KLF8: variants seen among roughly 807,000 people sequenced by gnomAD.
The protein encoded by KLF8 is Krueppel-like factor 8.
Under a neutral mutation model 18.2 loss-of-function variants are expected in KLF8, and 10 were observed. That is an observed-to-expected ratio of 0.55 (90% confidence interval 0.34 to 0.93). The LOEUF (loss-of-function observed/expected upper bound fraction) is 0.93. KLF8 is among the 40% of genes least tolerant of loss of function. The probability of loss-of-function intolerance (pLI) is 0.02; values close to 1 mark genes in which losing one functional copy is unlikely to be tolerated. For synonymous variants in KLF8, 109 were observed against 97.3 expected (o/e 1.12, Z -0.71); for missense variants, 264 against 277.9 (o/e 0.95, Z 0.36).
chrX:56,064,188 G>A, the KLF8 span, among the ~76,000 whole-genome samples: 1 of 107,765 alleles, frequency 9.3e-6, no homozygotes, highest in Non-Finnish European at 1.9e-5. Flanking sequence ...ATGCAGTCTT[G>A]TGTGGGTCTT....
the KLF8 span, among the ~76,000 whole-genome samples, chrX:56,197,026 G>C: frequency 1.8e-5 from 2 of 111,594 alleles, no homozygotes; most frequent in Non-Finnish European, 1.9e-5. Context: ...GGCAGAAATA[G>C]AGATGTTCTT....
chrX:56,177,065 G>A, the KLF8 span, among the ~76,000 whole-genome samples: 2 of 111,139 alleles, frequency 1.8e-5, no homozygotes, highest in Non-Finnish European at 3.8e-5. Flanking sequence ...CTTTAGCTCG[G>A]AGTAGTTTGA....
chrX:56,026,812 C>T, the KLF8 span, among the ~76,000 whole-genome samples: 13,374 of 111,599 alleles, frequency 0.12, 1,406 homozygotes, highest in African/African-American at 0.34. Flanking sequence ...TCTACCCACC[C>T]AGAGTAAGTA....
the KLF8 span, among the ~76,000 whole-genome samples, chrX:56,124,685 T>A: frequency 1.1e-4 from 12 of 111,866 alleles, no homozygotes; most frequent in Admixed American, 1.1e-3. Flanking sequence ...ATGTATACTA[T>A]GGTCATTCTG....
At chrX:55,944,338 G>A in the KLF8 span, among the ~76,000 whole-genome samples, 3 of 110,266 alleles carry the variant, frequency 2.7e-5, no homozygotes, top group Non-Finnish European at 5.7e-5. Flanking sequence ...GGATGATGCT[G>A]GCCTCATAAA....
At chrX:55,938,248 C>G in the KLF8 span, among the ~76,000 whole-genome samples, 1 of 111,523 alleles carries the variant, frequency 9.0e-6, no homozygotes, top group Non-Finnish European at 1.9e-5. Flanking sequence ...GAATTTTCAA[C>G]CCAGAATTTC....
the KLF8 span, among the ~76,000 whole-genome samples, chrX:56,185,857 AAG>A: frequency 1.8e-5 from 2 of 111,890 alleles, no homozygotes; most frequent in Non-Finnish European, 3.8e-5. Flanking sequence ...CCTGCCCTAA[AAG>A]AGATCCTGAA....
intron 5 of KLF8, 67 bp from the exon 6 acceptor site, chrX:56,284,246 T>A (rs1162112063): frequency 3.1e-5 from 27 of 865,514 alleles, no homozygotes; most frequent in Non-Finnish European, 4.2e-5. Flanking sequence ...TTATGTATTC[T>A]ATTATCTTTC....
At chrX:56,180,341 TG>T in the KLF8 span, among the ~76,000 whole-genome samples, 3 of 111,939 alleles carry the variant, frequency 2.7e-5, no homozygotes, top group African/African-American at 9.7e-5. Context: ...TATCATTTTT[TG>T]TTGCATCTGT....
the KLF8 span, among the ~76,000 whole-genome samples, chrX:56,209,088 G>C: frequency 9.0e-6 from 1 of 111,177 alleles, no homozygotes; most frequent in East Asian, 2.8e-4. Context: ...ATTGCATTGG[G>C]GTCTTTCTCT....
At chrX:56,078,593 G>A in the KLF8 span, among the ~76,000 whole-genome samples, 1 of 111,497 alleles carries the variant, frequency 9.0e-6, no homozygotes, top group Non-Finnish European at 1.9e-5. Context: ...GGATATTGGT[G>A]TAAAATTCTC....
the KLF8 span, among the ~76,000 whole-genome samples, chrX:56,057,051 G>T: frequency 1.5e-5 from 1 of 64,909 alleles, no homozygotes; most frequent in Admixed American, 1.4e-4. Context: ...TTGGGGGACT[G>T]CCTCTATGTG....
the KLF8 span, among the ~76,000 whole-genome samples, chrX:56,198,224 G>A: frequency 8.9e-6 from 1 of 112,029 alleles, no homozygotes; most frequent in East Asian, 2.8e-4. Context: ...CATAGCGTTG[G>A]AAGTTCTGGC....
rs1457459697 is a variant in KLF8, at chrX:56,289,257, A to G, written c.*4763A>G. Among the ~76,000 whole-genome samples, 1 of 110,862 alleles carries G rather than the reference A, an allele frequency of 9.0e-6. No homozygotes were observed. The highest frequency in any genetic ancestry group is 1.9e-5 in the Non-Finnish European group (1 of 52,971). On this transcript the variant is annotated 3_prime_UTR_variant, in exon 6 of 6. Coordinates refer to ENST00000468660, the MANE Select transcript of KLF8 (RefSeq NM_007250.5). Reference sequence around the variant, plus strand: ...TCTCAAGTTCTTTTGACACACCCCCATCATTTTTTTTTAGCACGTCCTTAC... The same window carrying G: ...TCTCAAGTTCTTTTGACACACCCCCGTCATTTTTTTTTAGCACGTCCTTAC...
At chrX:55,930,955 A>T in the KLF8 span, among the ~76,000 whole-genome samples, 1 of 111,964 alleles carries the variant, frequency 8.9e-6, no homozygotes, top group Admixed American at 9.5e-5. Context: ...TTTCAGAAGG[A>T]ATGGTACCAG....
the KLF8 span, among the ~76,000 whole-genome samples, chrX:56,096,375 C>T: frequency 9.0e-6 from 1 of 111,112 alleles, no homozygotes. Flanking sequence ...ACACTAAAAG[C>T]CCAGACCTCA....
At chrX:56,050,829 C>T in the KLF8 span, among the ~76,000 whole-genome samples, 8 of 109,944 alleles carry the variant, frequency 7.3e-5, no homozygotes, top group African/African-American at 2.0e-4. Flanking sequence ...TCCTTGTTGA[C>T]TTTCTGTCTC....
At position 56,275,707 on chromosome X, in the gene KLF8, A is replaced by T. The variant is rs187533452; in HGVS notation, c.898+5386A>T. ...TTCTGAGGATTTTTATTATGAAAAG[A>T]TGTTGAATTTTATCAAATACTTTTT... is the stretch of plus-strand genomic sequence containing the variant. On this transcript the variant is annotated intron_variant, in intron 5 of 5. Coordinates refer to ENST00000468660, the MANE Select transcript of KLF8 (RefSeq NM_007250.5). Among the ~76,000 whole-genome samples the T allele has an allele frequency of 7.7e-3, 863 of 112,613 alleles. 2 individuals are homozygous for T. The highest frequency in any genetic ancestry group is 0.013 in the Non-Finnish European group (701 of 53,308).
chrX:56,154,118 C>T, the KLF8 span, among the ~76,000 whole-genome samples: 3 of 111,079 alleles, frequency 2.7e-5, no homozygotes, highest in Non-Finnish European at 3.8e-5. Context: ...GAGCCCACAT[C>T]GCCAAGTCAA....
Sources: allele counts gnomAD v4.1 joint callset (sites outside exome capture counted in the v4.1 genomes callset), GRCh38; gene constraint gnomAD v4.1.1; transcripts MANE v1.5; gene names NCBI Gene and HGNC (gene_info 2026-07-23, HGNC 2026-07-21).